RBFOX2: variants seen among roughly 807,000 people sequenced by gnomAD.
RBFOX2 encodes RNA binding protein fox-1 homolog 2.
In RBFOX2, 10 loss-of-function variants were observed where a neutral mutation model predicts 49.1. That is an observed-to-expected ratio of 0.20 (90% CI 0.13 to 0.35). The LOEUF (loss-of-function observed/expected upper bound fraction) is 0.35. RBFOX2 is among the 10% of genes least tolerant of loss of function. RBFOX2 has a pLI of 1.00. For missense variants in RBFOX2, 323 were observed against 486.9 expected (o/e 0.66, Z 3.17); for synonymous variants, 183 against 187.4 (o/e 0.98, Z 0.19).
chr22:35,945,274 ATG>A (rs1373757814), intron 1 of RBFOX2, among the ~76,000 whole-genome samples: 1 of 152,168 alleles, frequency 6.6e-6, no homozygotes, highest in Non-Finnish European at 1.5e-5. Context: ...GTTGCTCAGG[ATG>A]TTTCACTATG....
rs187269516 is a variant in RBFOX2, at chr22:35,952,469, C to T, written c.42+9094G>A. ...GAATAAGGCCTTTGCCCTCAAGGAA[C>T]TTTAGTCTATTTAAATTTCCATTCC... On this transcript the variant is annotated intron_variant, in intron 1 of 5. Transcript: ENST00000408983. Among the ~76,000 whole-genome samples the T allele has an allele frequency of 2.1e-3, 314 of 152,294 alleles. 4 individuals carry two copies. The highest frequency in any genetic ancestry group is 1.6e-3 in the Non-Finnish European group (107 of 68,022).
At chr22:35,801,870 A>G (rs1365168329) in intron 2 of RBFOX2, among the ~76,000 whole-genome samples, 1 of 152,116 alleles carries the variant, frequency 6.6e-6, no homozygotes, top group Non-Finnish European at 1.5e-5. Flanking sequence ...AAAAAAAAGC[A>G]TCTTTCAACC....
intron 3 of RBFOX2, among the ~76,000 whole-genome samples, chr22:35,780,328 G>A (rs1403446512): frequency 1.3e-5 from 2 of 150,298 alleles, no homozygotes; most frequent in Non-Finnish European, 3.0e-5. Context: ...AAAGTACCAG[G>A]CAGCTATCCT....
At chr22:35,879,954 G>A (rs1296418428) in intron 1 of RBFOX2, among the ~76,000 whole-genome samples, 2 of 152,166 alleles carry the variant, frequency 1.3e-5, no homozygotes, top group Non-Finnish European at 2.9e-5. Flanking sequence ...CCAGGAATTC[G>A]AGACCAGCAT....
chr22:35,900,431 A>G (rs1318596999), intron 1 of RBFOX2, among the ~76,000 whole-genome samples: 2 of 152,132 alleles, frequency 1.3e-5, no homozygotes, highest in East Asian at 3.8e-4. Context: ...AATGTACCTG[A>G]GAAATCAGGC....
intron 1 of RBFOX2, among the ~76,000 whole-genome samples, chr22:35,987,402 A>G (rs932724839): frequency 5.3e-5 from 8 of 152,232 alleles, no homozygotes; most frequent in Non-Finnish European, 1.0e-4. Flanking sequence ...AAATGCACTT[A>G]GCATGAGCTC....
At chr22:35,939,172 G>A (rs767571499), upstream of RBFOX2, 1 of 611,586 alleles carries the variant, frequency 1.6e-6, no homozygotes, top group East Asian at 3.4e-5. Flanking sequence ...CTTAGGCAGG[G>A]TGCTACTGCG....
chr22:35,840,444 A>C, exon 1 of RBFOX2: 5 of 1,414,414 alleles, frequency 3.5e-6, no homozygotes, highest in African/African-American at 2.9e-5. Flanking sequence ...TCCCTCCCAT[A>C]TCTCAGGCAG....
chr22:35,919,088 A>G (rs915969652), intron 1 of RBFOX2, among the ~76,000 whole-genome samples: 6 of 152,260 alleles, frequency 3.9e-5, no homozygotes, highest in African/African-American at 1.4e-4. Flanking sequence ...GTGCTAAGTG[A>G]AAACATTATG....
Position 35,759,793 on chromosome 22 carries a change from G to T in RBFOX2, c.887+95C>A. ...TCACTGAATGCCTACTCTGTGACAC[G>T]GCAACATCCCAGAAGTTATGAAAGG... On this transcript the variant is annotated intron_variant, in intron 9 of 11. Coordinates refer to ENST00000405409, the Ensembl canonical transcript of RBFOX2. This position sits in a 1 kb window ranked among gnomAD's most constrained non-coding sequence, Gnocchi z 4.6. The T allele has an allele frequency of 6.6e-7, 1 of 1,505,886 alleles. No individual in the cohort carries two copies. 93.3% of individuals were successfully genotyped at this position (1,505,886 alleles called of 1,614,324 possible).
intron 1 of RBFOX2, among the ~76,000 whole-genome samples, chr22:35,988,908 G>A (rs2057842564): frequency 6.6e-6 from 1 of 152,190 alleles, no homozygotes; most frequent in Non-Finnish European, 1.5e-5. Flanking sequence ...TCCAGATAAG[G>A]GCTGGGCATA....
chr22:35,768,793 G>A (rs1941802980), intron 4 of RBFOX2, among the ~76,000 whole-genome samples: 1 of 152,148 alleles, frequency 6.6e-6, no homozygotes, highest in African/African-American at 2.4e-5. Flanking sequence ...TTATTTTCCA[G>A]TAACTGCTAC....
chr22:35,962,365 T>G (rs1003992938), upstream of RBFOX2, among the ~76,000 whole-genome samples: 16 of 152,120 alleles, frequency 1.1e-4, no homozygotes, highest in African/African-American at 3.6e-4. Context: ...CTTAACAAAT[T>G]CTCACATACC....
intron 1 of RBFOX2, among the ~76,000 whole-genome samples, chr22:35,892,173 T>A (rs548969714): frequency 1.3e-5 from 2 of 152,284 alleles, no homozygotes; most frequent in East Asian, 3.9e-4. Context: ...TCTCAAATCT[T>A]CACAACAATC....
At chr22:35,745,715 T>C (rs1437911720) in intron 11 of RBFOX2, among the ~76,000 whole-genome samples, 1 of 152,210 alleles carries the variant, frequency 6.6e-6, no homozygotes, top group Admixed American at 6.5e-5. Flanking sequence ...CATTCCTTTC[T>C]GCTGCCCTTA....
chr22:35,832,030 G>A (rs1374042333), intron 1 of RBFOX2, among the ~76,000 whole-genome samples: 1 of 152,044 alleles, frequency 6.6e-6, no homozygotes, highest in African/African-American at 2.4e-5. Flanking sequence ...CTTCATTTTT[G>A]AAATTATAAA....
intron 1 of RBFOX2, among the ~76,000 whole-genome samples, chr22:36,007,556 T>C (rs1175618025): frequency 1.3e-5 from 2 of 152,204 alleles, no homozygotes; most frequent in Non-Finnish European, 2.9e-5. Context: ...AATACATGCA[T>C]GTAATACAAA....
chr22:36,016,664 G>A (rs1182440389), intron 1 of RBFOX2, among the ~76,000 whole-genome samples: 2 of 152,166 alleles, frequency 1.3e-5, no homozygotes, highest in Non-Finnish European at 2.9e-5. Flanking sequence ...CACGTCTTAT[G>A]GCTGAACACA....
chr22:35,973,988 G>A (rs1039192732), intron 1 of RBFOX2, among the ~76,000 whole-genome samples: 1 of 152,186 alleles, frequency 6.6e-6, no homozygotes, highest in African/African-American at 2.4e-5. Flanking sequence ...TCCCGAAACA[G>A]CAGGGTCACA....
Sources: gnomAD v4.1 joint callset for allele counts (sites outside exome capture counted in the v4.1 genomes callset) on GRCh38, gnomAD v4.1.1 for gene constraint, Gnocchi (gnomAD v3.1) non-coding constraint, MANE v1.5 for transcripts, NCBI Gene and HGNC (gene_info 2026-07-23, HGNC 2026-07-21) for gene names.